Variants in KLHDC1 observed in about 807,000 individuals in gnomAD.
KLHDC1 encodes kelch domain containing 1.
A neutral mutation model predicts 68.3 loss-of-function variants in KLHDC1; 53 were observed. That is an observed-to-expected ratio of 0.78 (90% CI 0.62 to 0.98). The LOEUF is 0.98. KLHDC1 is among the 50% of genes least tolerant of loss of function. KLHDC1 has a pLI of 0.00. For synonymous variants in KLHDC1, 148 were observed against 159.0 expected (o/e 0.93, Z 0.52); for missense variants, 470 against 492.3 (o/e 0.95, Z 0.43).
chr14:49,732,331 C>T (rs1888830599), intron 8 of KLHDC1, among the ~76,000 whole-genome samples: 3 of 152,042 alleles, frequency 2.0e-5, no homozygotes, highest in African/African-American at 7.2e-5. Flanking sequence ...TGCCACCAGG[C>T]CCAGCTAATT....
chr14:49,723,737 T>A (rs2139752383), intron 4 of KLHDC1, 137 bp from the exon 5 acceptor site: 1 of 573,738 alleles, frequency 1.7e-6, no homozygotes, highest in Non-Finnish European at 3.1e-6. Flanking sequence ...TAGGTCTCTT[T>A]GTTCCCTCAG....
intron 1 of KLHDC1, among the ~76,000 whole-genome samples, chr14:49,704,060 C>T (rs546571450): frequency 6.6e-4 from 100 of 152,286 alleles, no homozygotes; most frequent in African/African-American, 2.2e-3. Flanking sequence ...TATCAATTTA[C>T]ACTCCCACCA....
At chr14:49,720,842 C>G (rs1348935347) in intron 4 of KLHDC1, among the ~76,000 whole-genome samples, 2 of 152,048 alleles carry the variant, frequency 1.3e-5, no homozygotes, top group Non-Finnish European at 2.9e-5. Context: ...TTTTCCATTG[C>G]TGTGTCAAGT....
At position 49,737,441 on chromosome 14, in the gene KLHDC1, G is replaced by C. The variant is rs1472073710; in HGVS notation, c.897-2657G>C. Among the ~76,000 whole-genome samples the C allele has an allele frequency of 2.0e-5, 3 of 152,256 alleles. No individual in the cohort carries two copies. In the East Asian group the frequency reaches 5.8e-4, roughly 29 times the overall value. Reference sequence around the variant, plus strand: ...TGAAATTTAAGTAAAAGGGATTAATGTACTAAAAATTAGTTATGTGTCCCA... The same window carrying C: ...TGAAATTTAAGTAAAAGGGATTAATCTACTAAAAATTAGTTATGTGTCCCA... On this transcript the variant is annotated intron_variant, in intron 10 of 12. Coordinates refer to ENST00000359332, the MANE Select transcript of KLHDC1 (RefSeq NM_172193.3).
intron 11 of KLHDC1, among the ~76,000 whole-genome samples, chr14:49,741,942 G>A (rs755111849): frequency 6.6e-6 from 1 of 152,138 alleles, no homozygotes; most frequent in Non-Finnish European, 1.5e-5. Context: ...ATCTCTTGAG[G>A]CACAGTTATC....
intron 4 of KLHDC1, among the ~76,000 whole-genome samples, chr14:49,720,864 T>G (rs73280158): frequency 0.016 from 2,464 of 152,320 alleles, 61 homozygotes; most frequent in African/African-American, 0.052. Flanking sequence ...TGCTGTTAAT[T>G]ACCAAGTTCC....
At chr14:49,715,765 A>ATATAT (rs751869582) in intron 4 of KLHDC1, among the ~76,000 whole-genome samples, 1 of 51,380 alleles carries the variant, frequency 1.9e-5, no homozygotes, top group African/African-American at 9.2e-5. Context: ...AAAAAAAAAA[A>ATATAT]ATATATATAT....
At chr14:49,717,180 A>G (rs1025798796) in intron 4 of KLHDC1, among the ~76,000 whole-genome samples, 4 of 152,214 alleles carry the variant, frequency 2.6e-5, no homozygotes, top group African/African-American at 9.6e-5. Flanking sequence ...TCAATGTGGC[A>G]TATAACTTTG....
chr14:49,740,286 A>G, intron 11 of KLHDC1, 104 bp downstream of exon 11: 1 of 646,924 alleles, frequency 1.5e-6, no homozygotes, highest in Non-Finnish European at 2.7e-6. Flanking sequence ...CAAAATATGA[A>G]GGGCCTGAAA....
intron 3 of KLHDC1, 106 bp from the exon 4 acceptor site, chr14:49,710,157 C>T (rs1212072859): frequency 3.2e-6 from 2 of 621,858 alleles, no homozygotes; most frequent in Non-Finnish European, 5.6e-6. Flanking sequence ...AACAAGCTTA[C>T]CTATTAAAAA....
intron 4 of KLHDC1, among the ~76,000 whole-genome samples, chr14:49,718,566 C>G (rs1226046176): frequency 1.3e-5 from 2 of 152,086 alleles, no homozygotes; most frequent in Non-Finnish European, 2.9e-5. Flanking sequence ...CAGGTGTGAA[C>G]CAGCATGCCT....
intron 1 of KLHDC1, among the ~76,000 whole-genome samples, chr14:49,700,932 C>A (rs535159322): frequency 3.7e-4 from 56 of 152,030 alleles, no homozygotes; most frequent in African/African-American, 1.3e-3. Context: ...AATACAAAAA[C>A]ATTAGCCAGG....
At chr14:49,735,747 C>T (rs55866851) in intron 10 of KLHDC1, among the ~76,000 whole-genome samples, 20,310 of 152,106 alleles carry the variant, frequency 0.13, 1,678 homozygotes, top group Non-Finnish European at 0.19. Context: ...TGGTGGCTCA[C>T]GCCTATTAAT....
At chr14:49,721,166 T>G (rs1219106602) in intron 4 of KLHDC1, among the ~76,000 whole-genome samples, 1 of 152,030 alleles carries the variant, frequency 6.6e-6, no homozygotes, top group Admixed American at 6.6e-5. Flanking sequence ...TTTGTGCCTT[T>G]TGTGTATTTT....
chr14:49,732,884 A>G, intron 9 of KLHDC1, 68 bp downstream of exon 9: 1 of 800,730 alleles, frequency 1.2e-6, no homozygotes, highest in Non-Finnish European at 2.1e-6. Context: ...TTTCATACTT[A>G]CAGTGAAGTA....
At chr14:49,733,901 T>C (rs886453645) in intron 9 of KLHDC1, among the ~76,000 whole-genome samples, 2 of 152,198 alleles carry the variant, frequency 1.3e-5, no homozygotes, top group Admixed American at 1.3e-4. Context: ...CAGAGGTTAG[T>C]TGGAGAAACA....
intron 12 of KLHDC1, among the ~76,000 whole-genome samples, chr14:49,749,240 ATATATG>A (rs111527408): frequency 0.035 from 5,347 of 152,252 alleles, 318 homozygotes; most frequent in African/African-American, 0.12. Context: ...AGCAGTACAC[ATATATG>A]TATATGTGAA....
intron 10 of KLHDC1, among the ~76,000 whole-genome samples, chr14:49,736,685 C>G (rs916131397): frequency 2.0e-5 from 3 of 152,172 alleles, no homozygotes; most frequent in Non-Finnish European, 4.4e-5. Flanking sequence ...GGTTTCTCAA[C>G]CTTGGCATTA....
chr14:49,736,404 G>A (rs1888930599), intron 10 of KLHDC1, among the ~76,000 whole-genome samples: 2 of 152,116 alleles, frequency 1.3e-5, no homozygotes, highest in Admixed American at 6.5e-5. Context: ...CAAAATCAAG[G>A]CAGGAAAGGC....
Sources: allele counts gnomAD v4.1 joint callset (sites outside exome capture counted in the v4.1 genomes callset), GRCh38; gene constraint gnomAD v4.1.1; transcripts MANE v1.5; gene names NCBI Gene and HGNC (gene_info 2026-07-23, HGNC 2026-07-21).